PDZD2: variants seen among roughly 807,000 people sequenced by gnomAD.
PDZD2 encodes PDZ domain containing 2, also known as PDZ domain-containing protein 2.
PDZD2 carries 90 observed loss-of-function variants against 220.7 expected under a neutral mutation model. That is an observed-to-expected ratio of 0.41 (90% CI 0.34 to 0.49). The LOEUF (loss-of-function observed/expected upper bound fraction) is 0.49. Among genes scored for constraint, PDZD2 ranks in the 20% least tolerant of loss-of-function variants. PDZD2 has a pLI of 0.28. For synonymous variants in PDZD2, 1,375 were observed against 1,450.5 expected (o/e 0.95, Z 1.18); for missense variants, 3,174 against 3,608.5 (o/e 0.88, Z 3.08).
At chr5:31,771,720 G>T (rs1752346447) in intron 1 of PDZD2, among the ~76,000 whole-genome samples, 1 of 152,188 alleles carries the variant, frequency 6.6e-6, no homozygotes, top group Non-Finnish European at 1.5e-5. Flanking sequence ...TTAACTGCCT[G>T]GCAAGTTAAA....
chr5:32,052,079 T>A (rs530366397), intron 8 of PDZD2, among the ~76,000 whole-genome samples: 1 of 152,328 alleles, frequency 6.6e-6, no homozygotes, highest in South Asian at 2.1e-4. Context: ...CACAAGGTGC[T>A]TAAGATCCCC....
chr5:31,895,941 C>T (rs1268529431), intron 2 of PDZD2, among the ~76,000 whole-genome samples: 1 of 152,140 alleles, frequency 6.6e-6, no homozygotes, highest in Non-Finnish European at 1.5e-5. Context: ...TGTGCCAGGG[C>T]TTTTTCATAC....
At chr5:31,995,831 C>A (rs1751583577) in intron 4 of PDZD2, 113 bp downstream of exon 4, 1 of 966,350 alleles carries the variant, frequency 1.0e-6, no homozygotes, top group South Asian at 1.6e-5. Flanking sequence ...GATTATAGTT[C>A]ATAAAGATTA....
chr5:32,031,755 T>C (rs1755137100), intron 6 of PDZD2, among the ~76,000 whole-genome samples: 1 of 152,236 alleles, frequency 6.6e-6, no homozygotes, highest in South Asian at 2.1e-4. Flanking sequence ...ATTCTTATGA[T>C]ACACATTAGG....
intron 21 of PDZD2, among the ~76,000 whole-genome samples, chr5:32,097,016 A>G (rs927446406): frequency 1.3e-5 from 2 of 151,434 alleles, no homozygotes; most frequent in Non-Finnish European, 1.5e-5. Context: ...TTGTAGAGAC[A>G]GGGTTTTGCC....
chr5:31,931,850 G>C (rs184017098), intron 2 of PDZD2, among the ~76,000 whole-genome samples: 36 of 152,170 alleles, frequency 2.4e-4, no homozygotes, highest in African/African-American at 8.2e-4. Context: ...AGTTGAGGGT[G>C]TGTGAACTCC....
chr5:31,928,481 A>AT (rs34211965), intron 2 of PDZD2, among the ~76,000 whole-genome samples: 20,628 of 148,444 alleles, frequency 0.14, 1,464 homozygotes, highest in South Asian at 0.25. Flanking sequence ...ATTACAAAGA[A>AT]TTTTTTTTTT....
intron 2 of PDZD2, among the ~76,000 whole-genome samples, chr5:31,850,090 A>ATATATGTGTATATATAAGTATG: frequency 7.2e-6 from 1 of 139,080 alleles, no homozygotes; most frequent in African/African-American, 2.6e-5. Context: ...ATATAAGTAT[A>ATATATGTGTATATATAAGTATG]TATACGTGTA....
chr5:31,850,096 G>GTGTATATATAAGTATATATACT, intron 2 of PDZD2, among the ~76,000 whole-genome samples: 1 of 134,812 alleles, frequency 7.4e-6, no homozygotes, highest in African/African-American at 2.6e-5. Flanking sequence ...GTATATATAC[G>GTGTATATATAAGTATATATACT]TGTATATATA....
In PDZD2 at chr5:32,089,274, C is replaced by A; in HGVS notation, c.5826C>A (p.Asp1942Glu). The A allele has an allele frequency of 6.2e-7, 1 of 1,614,198 alleles. No individual in the cohort carries two copies. The highest frequency in any genetic ancestry group is 8.5e-7 in the Non-Finnish European group (1 of 1,180,028). ...GGCTCCATGTAGCCGACCACGAGGA[C>A]CCTGACAGAAACACCACAGCTGCCC... ...SQRLHVADHEDPDRNTTAAPR... is the reference protein window; with the variant it reads ...SQRLHVADHEEPDRNTTAAPR... The change falls in exon 20 of 25, where the codon GAC (aspartate) becomes GAA (glutamate). Residue 1942 changes from aspartate (D) to glutamate (E), a missense_variant. Around this residue, in one of 4 missense-constraint regions of PDZD2, gnomAD observed 1,861 missense variants for 2,001.0 expected, o/e 0.93. Coordinates refer to ENST00000438447, the MANE Select transcript of PDZD2 (RefSeq NM_178140.4).
chr5:31,735,080 TAC>T (rs1229940912), intron 1 of PDZD2, among the ~76,000 whole-genome samples: 28 of 152,192 alleles, frequency 1.8e-4, no homozygotes, highest in Admixed American at 1.8e-3. Context: ...ACTGCTAATA[TAC>T]TTGCCCAGCG....
chr5:32,089,507 C>G lies in PDZD2; in HGVS notation c.6059C>G (p.Pro2020Arg). The change falls in exon 20 of 25, where the codon CCT (proline) becomes CGT (arginine). Residue 2020 changes from proline to arginine, a missense_variant. Coordinates refer to ENST00000438447, the MANE Select transcript of PDZD2 (RefSeq NM_178140.4). ...GGTTGCCCAACCACCCCTAAATCTCCTAAGTGTAGAGCAGAGGGCAGGGCG... is the reference window on the plus strand; with the variant it reads ...GGTTGCCCAACCACCCCTAAATCTCGTAAGTGTAGAGCAGAGGGCAGGGCG... The part of the protein sequence containing the change: ...DRGCPTTPKS[P>R]KCRAEGRAPR... 2 of 1,613,052 alleles carry G rather than the reference C, an allele frequency of 1.2e-6. No homozygotes were observed. The highest frequency in any genetic ancestry group is 2.2e-5 in the East Asian group (1 of 44,872).
At chr5:31,657,028 G>A (rs527467844) in intron 1 of PDZD2, among the ~76,000 whole-genome samples, 22 of 152,340 alleles carry the variant, frequency 1.4e-4, no homozygotes, top group African/African-American at 3.4e-4. Context: ...CCCTCAGCTC[G>A]GGGGTGGAGG....
intron 4 of PDZD2, among the ~76,000 whole-genome samples, chr5:31,997,711 C>CA (rs1450347532): frequency 1.3e-5 from 2 of 152,180 alleles, no homozygotes; most frequent in African/African-American, 4.8e-5. Flanking sequence ...CTTTTCATTT[C>CA]ATTCTTAGCC....
Position 32,098,243 on chromosome 5 carries a change from A to G in PDZD2, c.7948-121A>G. On this transcript the variant is annotated intron_variant, in intron 22 of 24. Coordinates refer to ENST00000438447, the MANE Select transcript of PDZD2 (RefSeq NM_178140.4). This position sits in a 1 kb window ranked among gnomAD's most constrained non-coding sequence, Gnocchi z 4.1. The stretch of plus-strand genomic sequence containing the variant: ...GGTGACACAGCGAGACTCCCTCTCA[A>G]AAAATAAAAATAAAAAAGGAAGGTT... The G allele has an allele frequency of 9.9e-7, 1 of 1,012,314 alleles. No individual in the cohort carries two copies. The highest frequency in any genetic ancestry group is 1.4e-6 in the Non-Finnish European group (1 of 699,758). 62.7% of individuals were successfully genotyped at this position (1,012,314 alleles called of 1,614,324 possible).
Position 31,916,452 on chromosome 5 carries a change from A to G in PDZD2, c.477-66703A>G, listed in dbSNP as rs182081168. Among the ~76,000 whole-genome samples, 514 of 152,350 alleles carry G rather than the reference A, an allele frequency of 3.4e-3. 2 individuals are homozygous for G. The highest frequency in any genetic ancestry group is 0.012 in the African/African-American group (493 of 41,588). ...TGCCCTTGAGCAAGGGTTGAATGAC[A>G]GTGCCTGTTCATCTTTTTGTTGCCT... On this transcript the variant is annotated intron_variant, in intron 2 of 24. Transcript: ENST00000438447.
Position 31,840,396 on chromosome 5 carries a change from TTATATATATATATATATATATATATATA to T in PDZD2, c.476+40698_476+40725del, listed in dbSNP as rs748170414. The T allele has an allele frequency of 1.3e-3, 26 of 19,342 alleles. 1 individual carries two copies. The highest frequency in any genetic ancestry group is 7.9e-3 in the East Asian group (5 of 636). 1.2% of individuals were successfully genotyped at this position (19,342 alleles called of 1,614,324 possible). ...CTCATTCAAAGAGTAGTCATTTTCA[TTATATATATATATATATATATATATATA>T]TATATATATATATATATATATATAT... On this transcript the variant is annotated intron_variant, in intron 2 of 24. Coordinates refer to ENST00000438447, the MANE Select transcript of PDZD2 (RefSeq NM_178140.4).
At chr5:31,908,859 A>G (rs369370731) in intron 2 of PDZD2, 1 of 496,826 alleles carries the variant, frequency 2.0e-6, no homozygotes, top group African/African-American at 2.0e-5. Context: ...AGCCTTGGCA[A>G]CATAGTGAGA....
intron 5 of PDZD2, among the ~76,000 whole-genome samples, chr5:32,006,681 C>CTTTTTTTTT (rs76703572): frequency 3.4e-5 from 4 of 116,676 alleles, no homozygotes; most frequent in Non-Finnish European, 6.6e-5. Context: ...GGCTCAACAC[C>CTTTTTTTTT]TTTTTTTTTT....
Sources: allele counts gnomAD v4.1 joint callset (sites outside exome capture counted in the v4.1 genomes callset), GRCh38; gene constraint gnomAD v4.1.1; regional missense constraint gnomAD v4.1.1; non-coding constraint Gnocchi (gnomAD v3.1); transcripts MANE v1.5; gene names NCBI Gene and HGNC (gene_info 2026-07-23, HGNC 2026-07-21).